Variants in EPB41L2 observed in about 807,000 individuals in gnomAD.
EPB41L2 encodes the protein erythrocyte membrane protein band 4.1 like 2.
EPB41L2 carries 43 observed loss-of-function variants against 113.0 expected under a neutral mutation model. That is an observed-to-expected ratio of 0.38 (90% confidence interval 0.30 to 0.49). EPB41L2 has a LOEUF of 0.49. EPB41L2 is among the 20% of genes least tolerant of loss of function. The pLI is 0.95. For synonymous variants in EPB41L2, 442 were observed against 436.7 expected (o/e 1.01, Z -0.15); for missense variants, 1,147 against 1,223.4 (o/e 0.94, Z 0.93).
chr6:130,924,273 C>T (rs748613400), intron 4 of EPB41L2, among the ~76,000 whole-genome samples: 1 of 152,154 alleles, frequency 6.6e-6, no homozygotes, highest in Non-Finnish European at 1.5e-5. Flanking sequence ...CATCTCTTGG[C>T]TGTTATGAAT....
At position 130,880,227 on chromosome 6, in the gene EPB41L2, CA is replaced by C. The variant is rs755557683; in HGVS notation, c.1834-22del. ...TTTTTCTGTGAAATTAAATCACACA[CA>C]GGGGGGAAAAGGCAAATAAACATAA... On this transcript the variant is annotated intron_variant, in intron 12 of 19. Transcript: ENST00000337057. 5.6e-4 allele frequency: 884 copies of C among 1,576,000 alleles called. 4 individuals carry two copies. In the Middle Eastern group the frequency reaches 0.011, roughly 19 times the overall value.
At chr6:131,039,902 G>A (rs953779061) in intron 1 of EPB41L2, among the ~76,000 whole-genome samples, 1 of 151,498 alleles carries the variant, frequency 6.6e-6, no homozygotes, top group Non-Finnish European at 1.5e-5. Context: ...TTGATAAAGG[G>A]GAAAATTAAG....
At chr6:130,890,683 G>A (rs1220258612) in intron 10 of EPB41L2, among the ~76,000 whole-genome samples, 1 of 152,120 alleles carries the variant, frequency 6.6e-6, no homozygotes, top group African/African-American at 2.4e-5. Flanking sequence ...ATGTATTCAT[G>A]AATAATGTTC....
chr6:130,901,264 C>T, intron 6 of EPB41L2, 84 bp from the exon 7 acceptor site: 1 of 1,185,380 alleles, frequency 8.4e-7, no homozygotes, highest in Admixed American at 2.0e-5. Flanking sequence ...AGCTAGTACC[C>T]CTTTGAAAAC....
chr6:130,867,886 TTTAAA>T (rs1170280521), intron 15 of EPB41L2: 9 of 354,696 alleles, frequency 2.5e-5, no homozygotes, highest in South Asian at 2.0e-4. Flanking sequence ...TATGTTACTC[TTTAAA>T]TTAAGATGGT....
chr6:130,850,018 G>A (rs946113104), intron 19 of EPB41L2, among the ~76,000 whole-genome samples: 1 of 152,140 alleles, frequency 6.6e-6, no homozygotes, highest in Non-Finnish European at 1.5e-5. Flanking sequence ...TGGATCACCT[G>A]AGGTCAGTCA....
At chr6:130,999,145 C>T (rs1783797758) in intron 1 of EPB41L2, among the ~76,000 whole-genome samples, 1 of 152,118 alleles carries the variant, frequency 6.6e-6, no homozygotes, top group African/African-American at 2.4e-5. Context: ...CCTGCCTACC[C>T]CAGCTCAATG....
intron 1 of EPB41L2, among the ~76,000 whole-genome samples, chr6:130,990,827 AT>A (rs201343428): frequency 0.28 from 38,228 of 136,632 alleles, 5,194 homozygotes; most frequent in Non-Finnish European, 0.36. Context: ...TATACAGGTA[AT>A]TTTTTTTTTT....
chr6:130,852,555 C>T (rs1779076857), intron 19 of EPB41L2, among the ~76,000 whole-genome samples: 1 of 152,150 alleles, frequency 6.6e-6, no homozygotes, highest in South Asian at 2.1e-4. Context: ...ACATCAACTC[C>T]CTGCCCAAGC....
intron 1 of EPB41L2, chr6:131,000,545 G>C (rs547728789): frequency 3.9e-5 from 6 of 152,294 alleles, no homozygotes; most frequent in African/African-American, 1.2e-4. Flanking sequence ...CCTTCCGTTT[G>C]AGGAGAATAA....
intron 3 of EPB41L2, among the ~76,000 whole-genome samples, chr6:130,935,225 G>A (rs1357509894): frequency 6.6e-6 from 1 of 152,162 alleles, no homozygotes; most frequent in African/African-American, 2.4e-5. Flanking sequence ...ACTGTAACCT[G>A]CAATCATTTA....
At chr6:131,045,928 G>A (rs1035337808) in intron 1 of EPB41L2, among the ~76,000 whole-genome samples, 3 of 147,668 alleles carry the variant, frequency 2.0e-5, no homozygotes, top group Admixed American at 6.8e-5. Flanking sequence ...CAAGATCTAC[G>A]CCTATATTTT....
intron 1 of EPB41L2, among the ~76,000 whole-genome samples, chr6:130,982,670 C>T (rs563828608): frequency 6.6e-6 from 1 of 152,264 alleles, no homozygotes; most frequent in South Asian, 2.1e-4. Flanking sequence ...CTTTCAAAAA[C>T]CATTTTTTGT....
chr6:130,970,815 A>G (rs186931073), intron 1 of EPB41L2, among the ~76,000 whole-genome samples: 22 of 152,132 alleles, frequency 1.4e-4, no homozygotes, highest in African/African-American at 5.3e-4. Context: ...ACCAAACCCA[A>G]CTCATCAATT....
intron 6 of EPB41L2, among the ~76,000 whole-genome samples, chr6:130,903,274 C>T (rs1450450460): frequency 3.3e-5 from 5 of 151,932 alleles, no homozygotes; most frequent in East Asian, 1.9e-4. Context: ...ACATGCCATT[C>T]GGTCAGGTTT....
intron 3 of EPB41L2, among the ~76,000 whole-genome samples, chr6:130,929,858 CA>C (rs1806141946): frequency 9.5e-5 from 2 of 21,048 alleles, no homozygotes; most frequent in African/African-American, 5.7e-4. Flanking sequence ...GACAGACAGT[CA>C]CACACACACA....
chr6:131,012,337 G>C (rs1026815494), intron 1 of EPB41L2, among the ~76,000 whole-genome samples: 1 of 150,072 alleles, frequency 6.7e-6, no homozygotes, highest in East Asian at 2.0e-4. Flanking sequence ...CTCAACCTCC[G>C]CACTACCAAC....
rs34546609 is a variant in EPB41L2 at position 130,891,428 on chromosome 6, T to TTTACTTACTTACTTACTTAC, written c.1488-982_1488-963dup. 1.8e-3 allele frequency among the ~76,000 whole-genome samples: 265 copies of TTTACTTACTTACTTACTTAC among 149,462 alleles called. 1 individual carries two copies. Among genetic ancestry groups the TTTACTTACTTACTTACTTAC allele is most frequent in the African/African-American group, 6.4e-3 (252 of 39,624 alleles). On this transcript the variant is annotated intron_variant, in intron 10 of 19. Transcript: ENST00000337057. ...GGTGTCAGCTTTATTTATTTATTTA[T>TTTACTTACTTACTTACTTAC]TTACTTACTTACTTACTTACTTACT...
intron 1 of EPB41L2, among the ~76,000 whole-genome samples, chr6:130,964,990 C>G (rs1009765309): frequency 1.3e-5 from 2 of 152,296 alleles, no homozygotes; most frequent in South Asian, 2.1e-4. Flanking sequence ...TGATGCCCGA[C>G]AGTTAATGAT....
Sources: allele counts gnomAD v4.1 joint callset (sites outside exome capture counted in the v4.1 genomes callset), GRCh38; gene constraint gnomAD v4.1.1; transcripts MANE v1.5; gene names NCBI Gene and HGNC (gene_info 2026-07-23, HGNC 2026-07-21).